TSHZ2: variants seen among roughly 807,000 people sequenced by gnomAD.
TSHZ2 encodes teashirt homolog 2.
TSHZ2 carries 21 observed loss-of-function variants against 74.4 expected under a neutral mutation model. The ratio of observed to expected loss-of-function variants is 0.28; its 90% confidence interval spans 0.20 to 0.41. The LOEUF is 0.41. TSHZ2 is among the 10% of genes least tolerant of loss of function. The probability of loss-of-function intolerance (pLI) is 1.00; values close to 1 mark genes in which losing one functional copy is unlikely to be tolerated. For missense variants in TSHZ2, 1,244 were observed against 1,293.5 expected (o/e 0.96, Z 0.59); for synonymous variants, 540 against 515.3 (o/e 1.05, Z -0.65).
chr20:53,371,500 G>A (rs1981468672), intron 2 of TSHZ2, among the ~76,000 whole-genome samples: 1 of 152,216 alleles, frequency 6.6e-6, no homozygotes. Flanking sequence ...ATGGCTGTAT[G>A]AAGGACCACA....
At chr20:53,341,332 A>C (rs1980194269) in intron 2 of TSHZ2, among the ~76,000 whole-genome samples, 1 of 152,188 alleles carries the variant, frequency 6.6e-6, no homozygotes, top group African/African-American at 2.4e-5. Context: ...ACTCTGTGCT[A>C]AGGTTGGAGT....
intron 1 of TSHZ2, among the ~76,000 whole-genome samples, chr20:53,047,691 A>G (rs1984275602): frequency 6.6e-6 from 1 of 152,182 alleles, no homozygotes; most frequent in African/African-American, 2.4e-5. Flanking sequence ...ACACTATGAC[A>G]ACCAAGCAAA....
At chr20:53,162,448 C>G (rs567746432) in intron 1 of TSHZ2, among the ~76,000 whole-genome samples, 3 of 152,330 alleles carry the variant, frequency 2.0e-5, no homozygotes, top group Non-Finnish European at 2.9e-5. Flanking sequence ...TCTTTTGTAT[C>G]TTTCCTGGTA....
At position 52,973,177 on chromosome 20, in the gene TSHZ2, G is replaced by T; in HGVS notation, c.-117G>T. On this transcript the variant is annotated 5_prime_UTR_variant, in exon 1 of 3. Coordinates refer to ENST00000371497, the MANE Select transcript of TSHZ2 (RefSeq NM_173485.6). ...GTCAGGGGGACAGAGGCCGAGTGAC[G>T]TCCTAGGAGCCACCGGGCAAGAGGC... 4 of 1,364,860 alleles carry T rather than the reference G, an allele frequency of 2.9e-6. No homozygotes were observed. In the South Asian group the frequency reaches 5.2e-5, roughly 18 times the overall value. The allele number at this position is 1,364,860 out of a possible 1,614,324, so 84.5% of individuals were successfully genotyped here.
chr20:53,096,889 C>CA (rs1261576642), intron 1 of TSHZ2, among the ~76,000 whole-genome samples: 12 of 147,942 alleles, frequency 8.1e-5, no homozygotes, highest in Admixed American at 4.0e-4. Context: ...TTAAAACAAA[C>CA]AAAAAAACCC....
chr20:53,340,572 A>G (rs1209841583), intron 2 of TSHZ2, among the ~76,000 whole-genome samples: 1 of 152,166 alleles, frequency 6.6e-6, no homozygotes, highest in African/African-American at 2.4e-5. Context: ...TACACAGGTT[A>G]TTTCCAAAGA....
At chr20:53,110,000 A>T (rs1051331273) in intron 1 of TSHZ2, among the ~76,000 whole-genome samples, 3 of 152,188 alleles carry the variant, frequency 2.0e-5, no homozygotes, top group Non-Finnish European at 4.4e-5. Context: ...ACAATACTTT[A>T]AAAAAATTAG....
chr20:53,250,686 T>C (rs1302895945), intron 1 of TSHZ2, among the ~76,000 whole-genome samples: 2 of 152,150 alleles, frequency 1.3e-5, no homozygotes, highest in African/African-American at 2.4e-5. Context: ...AGTAAACATG[T>C]CAATGCCTAA....
chr20:53,433,590 C>CACAGACACACAG (rs1555864615), intron 2 of TSHZ2, among the ~76,000 whole-genome samples: 1 of 148,274 alleles, frequency 6.7e-6, no homozygotes, highest in Admixed American at 6.7e-5. Flanking sequence ...CACAGACACA[C>CACAGACACACAG]ACACACACAC....
chr20:53,096,807 G>A (rs536444359), intron 1 of TSHZ2, among the ~76,000 whole-genome samples: 13 of 151,852 alleles, frequency 8.6e-5, no homozygotes, highest in African/African-American at 3.1e-4. Flanking sequence ...GCTTGAAATC[G>A]GGAGGCAGAG....
In TSHZ2 at chr20:53,310,015, A is replaced by G. The variant is rs747521243; in HGVS notation, c.*8+53444A>G. Among the ~76,000 whole-genome samples, 18 of 152,252 alleles carry G rather than the reference A, an allele frequency of 1.2e-4. 1 individual carries two copies. The highest frequency in any genetic ancestry group is 2.2e-4 in the Non-Finnish European group (15 of 68,048). ...TAAAGAAAATTGTTGAGCATCTAAC[A>G]TAGTACCTCCCAACTCTCTCTGACC... On this transcript the variant is annotated intron_variant, in intron 2 of 2. Transcript: ENST00000371497.
intron 2 of TSHZ2, among the ~76,000 whole-genome samples, chr20:53,331,605 GGT>G (rs1459871308): frequency 6.6e-6 from 1 of 152,164 alleles, no homozygotes; most frequent in Non-Finnish European, 1.5e-5. Context: ...GTCAGACCCT[GGT>G]GTGTGTGGGA....
intron 2 of TSHZ2, among the ~76,000 whole-genome samples, chr20:53,338,124 G>T (rs901372352): frequency 6.6e-6 from 1 of 152,210 alleles, no homozygotes; most frequent in African/African-American, 2.4e-5. Flanking sequence ...TTTGCAAGGT[G>T]CTGGCCTGTC....
chr20:53,390,539 G>A (rs1982211871), intron 2 of TSHZ2, among the ~76,000 whole-genome samples: 1 of 152,176 alleles, frequency 6.6e-6, no homozygotes, highest in Non-Finnish European at 1.5e-5. Context: ...CCGACTGTGT[G>A]CCTTCTTCCC....
intron 2 of TSHZ2, among the ~76,000 whole-genome samples, chr20:53,304,315 T>C (rs1179888523): frequency 6.6e-6 from 1 of 150,810 alleles, no homozygotes; most frequent in Non-Finnish European, 1.5e-5. Context: ...CAGCAAACAA[T>C]CTAATATTTA....
chr20:53,392,816 G>A (rs1982308359), intron 2 of TSHZ2, among the ~76,000 whole-genome samples: 1 of 152,046 alleles, frequency 6.6e-6, no homozygotes, highest in African/African-American at 2.4e-5. Flanking sequence ...CAGGTAATCA[G>A]CATAATAATG....
intron 1 of TSHZ2, among the ~76,000 whole-genome samples, chr20:52,985,129 C>T (rs1981706438): frequency 6.6e-6 from 1 of 152,076 alleles, no homozygotes; most frequent in Admixed American, 6.5e-5. Context: ...ACATATTTCT[C>T]CACCCCCATT....
At chr20:53,120,716 A>G (rs1472987324) in intron 1 of TSHZ2, among the ~76,000 whole-genome samples, 1 of 152,222 alleles carries the variant, frequency 6.6e-6, no homozygotes, top group African/African-American at 2.4e-5. Context: ...AAAAAAATCC[A>G]AAGACAGGAC....
chr20:53,382,531 C>G (rs1256409565), intron 2 of TSHZ2, among the ~76,000 whole-genome samples: 1 of 152,176 alleles, frequency 6.6e-6, no homozygotes, highest in East Asian at 1.9e-4. Flanking sequence ...AGAGTGAAAA[C>G]AGGGACCCAA....
Sources: gnomAD v4.1 joint callset for allele counts (sites outside exome capture counted in the v4.1 genomes callset) on GRCh38, gnomAD v4.1.1 for gene constraint, MANE v1.5 for transcripts, NCBI Gene and HGNC (gene_info 2026-07-23, HGNC 2026-07-21) for gene names.